ATP10B: variants seen among roughly 807,000 people sequenced by gnomAD.
The protein encoded by ATP10B is ATPase phospholipid transporting 10B (putative).
ATP10B carries 122 observed loss-of-function variants against 141.2 expected under a neutral mutation model. That is an observed-to-expected ratio of 0.86 (90% confidence interval 0.75 to 1.00). The LOEUF (loss-of-function observed/expected upper bound fraction) is 1.00, where lower values mean the gene tolerates loss of function less well. Among genes scored for constraint, ATP10B ranks in the 50% least tolerant of loss-of-function variants. The pLI, the probability that ATP10B is intolerant of heterozygous loss-of-function variation, is 0.00. For synonymous variants in ATP10B, 685 were observed against 692.0 expected (o/e 0.99, Z 0.16); for missense variants, 1,876 against 1,825.3 (o/e 1.03, Z -0.51).
rs143164839 is a variant in ATP10B, at chr5:160,607,763, T to C, written c.2839-677A>G. Among the ~76,000 whole-genome samples, 615 of 152,314 alleles carry C rather than the reference T, an allele frequency of 4.0e-3. 7 individuals are homozygous for C. The highest frequency in any genetic ancestry group is 0.014 in the African/African-American group (581 of 41,550). On this transcript the variant is annotated intron_variant, in intron 18 of 25. Coordinates refer to ENST00000327245, the MANE Select transcript of ATP10B (RefSeq NM_025153.3). ...AATAAACTTATTAATTTTTTTCTGG[T>C]GTTTGCCTTGAAATATAGTGAGAAA...
intron 1 of ATP10B, among the ~76,000 whole-genome samples, chr5:160,838,528 T>G (rs949100515): frequency 3.9e-5 from 6 of 152,218 alleles, no homozygotes; most frequent in African/African-American, 7.2e-5. Flanking sequence ...ATTTTAATTA[T>G]GTTAAAAACC....
At chr5:160,756,226 T>C (rs1456840538) in intron 2 of ATP10B, among the ~76,000 whole-genome samples, 1 of 152,142 alleles carries the variant, frequency 6.6e-6, no homozygotes, top group Admixed American at 6.5e-5. Flanking sequence ...TATTGTTGCA[T>C]ATGTAATTCT....
chr5:160,732,010 A>G (rs1029466073), intron 2 of ATP10B, among the ~76,000 whole-genome samples: 6 of 152,194 alleles, frequency 3.9e-5, no homozygotes, highest in Admixed American at 2.6e-4. Context: ...AATGTGACCA[A>G]TTCTCAAAGG....
intron 2 of ATP10B, among the ~76,000 whole-genome samples, chr5:160,777,504 A>G (rs1770419080): frequency 6.6e-6 from 1 of 152,230 alleles, no homozygotes; most frequent in Non-Finnish European, 1.5e-5. Flanking sequence ...GTCACCTAAT[A>G]CAAGTACCTT....
intron 24 of ATP10B, among the ~76,000 whole-genome samples, chr5:160,570,630 C>A (rs1415511742): frequency 6.6e-6 from 1 of 152,174 alleles, no homozygotes; most frequent in Non-Finnish European, 1.5e-5. Flanking sequence ...ATTCTGTCAT[C>A]TTTTAAAATC....
rs1218137640 is a variant in ATP10B, at chr5:160,640,599, G to A, written c.869-7C>T. 2 of 1,613,858 alleles carry A rather than the reference G, an allele frequency of 1.2e-6. No homozygotes were observed. The highest frequency in any genetic ancestry group is 4.5e-5 in the East Asian group (2 of 44,884). ...ATGGCTTTCGTCTCATGGCCTTTGA[G>A]AGAAAATGAGGAAATCAGTCCCTTA... On this transcript the variant is annotated splice_polypyrimidine_tract_variant and splice_region_variant and intron_variant, in intron 9 of 25. Transcript: ENST00000327245.
intron 1 of ATP10B, among the ~76,000 whole-genome samples, chr5:160,845,586 GT>G (rs1461461263): frequency 1.3e-5 from 2 of 152,016 alleles, no homozygotes; most frequent in African/African-American, 2.4e-5. Flanking sequence ...TGAACAAAAA[GT>G]TTTTTTAAAA....
intron 1 of ATP10B, among the ~76,000 whole-genome samples, chr5:160,788,506 C>T (rs551654596): frequency 2.8e-4 from 42 of 152,254 alleles, no homozygotes; most frequent in Non-Finnish European, 5.4e-4. Context: ...GCTGGTTTTA[C>T]TTTGGCTGTA....
chr5:160,706,887 T>A (rs1386360880), intron 3 of ATP10B, among the ~76,000 whole-genome samples: 1 of 152,192 alleles, frequency 6.6e-6, no homozygotes, highest in Admixed American at 6.5e-5. Context: ...CACATAGGCC[T>A]CAGGGCACCA....
At chr5:160,729,716 GAAGA>G (rs1385284584) in intron 2 of ATP10B, among the ~76,000 whole-genome samples, 1 of 152,184 alleles carries the variant, frequency 6.6e-6, no homozygotes, top group East Asian at 1.9e-4. Context: ...AAAATGGAAA[GAAGA>G]AAGACACAGA....
At chr5:160,707,392 T>C (rs1448735983) in intron 3 of ATP10B, among the ~76,000 whole-genome samples, 1 of 152,226 alleles carries the variant, frequency 6.6e-6, no homozygotes. Context: ...CTTTTTAAGG[T>C]AGGAACCCTG....
Position 160,599,609 on chromosome 5 carries a change from C to T in ATP10B, c.3364-639G>A, listed in dbSNP as rs182083406. On this transcript the variant is annotated intron_variant, in intron 21 of 25. Coordinates refer to ENST00000327245, the MANE Select transcript of ATP10B (RefSeq NM_025153.3). ...GGTAATAGAAAGACTGAACCATGAG[C>T]AGGACACCTGGTAGGACGGTGACCT... Among the ~76,000 whole-genome samples, 51 of 152,300 alleles carry T rather than the reference C, an allele frequency of 3.3e-4. 1 individual carries two copies. The highest frequency in any genetic ancestry group is 4.4e-4 in the Non-Finnish European group (30 of 68,012).
At chr5:160,877,441 A>G in the ATP10B span, among the ~76,000 whole-genome samples, 3 of 143,932 alleles carry the variant, frequency 2.1e-5, no homozygotes, top group Admixed American at 1.4e-4. Context: ...CTGAATGGGC[A>G]AAAACTGGAA....
At chr5:160,840,980 C>T (rs1435335607) in intron 1 of ATP10B, among the ~76,000 whole-genome samples, 1 of 152,060 alleles carries the variant, frequency 6.6e-6, no homozygotes, top group Admixed American at 6.6e-5. Flanking sequence ...ACATGAATTA[C>T]TGGTAGGCAT....
the ATP10B span, among the ~76,000 whole-genome samples, chr5:160,868,199 G>A: frequency 6.6e-6 from 1 of 152,116 alleles, no homozygotes; most frequent in African/African-American, 2.4e-5. Flanking sequence ...TGGCGTAGCA[G>A]CTAATTTTGC....
At chr5:160,673,335 G>T (rs1289191644) in intron 6 of ATP10B, among the ~76,000 whole-genome samples, 1 of 152,120 alleles carries the variant, frequency 6.6e-6, no homozygotes, top group Non-Finnish European at 1.5e-5. Flanking sequence ...TACATGGGAT[G>T]CTTTCGTACA....
chr5:160,630,820 A>G (rs1758878711), intron 13 of ATP10B, among the ~76,000 whole-genome samples: 1 of 152,232 alleles, frequency 6.6e-6, no homozygotes, highest in South Asian at 2.1e-4. Context: ...ATTTCCGTGC[A>G]TGACAATAAC....
chr5:160,858,234 T>G, the ATP10B span, among the ~76,000 whole-genome samples: 1 of 151,934 alleles, frequency 6.6e-6, no homozygotes, highest in Non-Finnish European at 1.5e-5. Context: ...CTGTCTCTGG[T>G]AATTTTCTTT....
intron 6 of ATP10B, among the ~76,000 whole-genome samples, chr5:160,679,411 C>T (rs747351077): frequency 3.3e-5 from 5 of 152,370 alleles, no homozygotes; most frequent in Non-Finnish European, 7.3e-5. Context: ...ACACATACAA[C>T]ATTTCATTGA....
Sources: gnomAD v4.1 joint callset for allele counts (sites outside exome capture counted in the v4.1 genomes callset) on GRCh38, gnomAD v4.1.1 for gene constraint, MANE v1.5 for transcripts, NCBI Gene and HGNC (gene_info 2026-07-23, HGNC 2026-07-21) for gene names.